WDFY3: variants seen among roughly 807,000 people sequenced by gnomAD.
WDFY3 encodes WD repeat and FYVE domain containing 3.
WDFY3 carries 66 observed loss-of-function variants against 409.6 expected under a neutral mutation model. The ratio of observed to expected loss-of-function variants is 0.16; its 90% CI spans 0.13 to 0.20. The LOEUF (loss-of-function observed/expected upper bound fraction) is 0.20, where lower values mean the gene tolerates loss of function less well. Ranked by LOEUF, WDFY3 falls within the 10% of genes least tolerant of loss-of-function variation. The probability of loss-of-function intolerance (pLI) is 1.00; values close to 1 mark genes in which losing one functional copy is unlikely to be tolerated. For synonymous variants in WDFY3, 1,521 were observed against 1,537.1 expected, an observed-to-expected ratio of 0.99 and a Z score of 0.25; for missense variants, 3,031 against 4,298.1, an observed-to-expected ratio of 0.71 and a Z score of 8.24.
intron 3 of WDFY3, among the ~76,000 whole-genome samples, chr4:84,894,002 A>T (rs1765285860): frequency 1.3e-5 from 2 of 152,118 alleles, no homozygotes; most frequent in Non-Finnish European, 2.9e-5. Context: ...AAAAAAAAAA[A>T]TTAGAAAAAG....
chr4:84,917,274 T>C (rs747618107), intron 2 of WDFY3, among the ~76,000 whole-genome samples: 2 of 152,156 alleles, frequency 1.3e-5, no homozygotes, highest in East Asian at 1.9e-4. Flanking sequence ...GCCAAGACCA[T>C]TGAAAAGAAG....
chr4:84,828,379 C>A (rs1002737217), intron 9 of WDFY3, among the ~76,000 whole-genome samples: 1 of 151,878 alleles, frequency 6.6e-6, no homozygotes, highest in Admixed American at 6.6e-5. Context: ...TTATTAAGTA[C>A]ATTAATAAAA....
chr4:84,732,531 T>C (rs1428569807), intron 44 of WDFY3, among the ~76,000 whole-genome samples: 1 of 152,132 alleles, frequency 6.6e-6, no homozygotes, highest in Non-Finnish European at 1.5e-5. Flanking sequence ...CATCTCCCTA[T>C]TCCCCTCACT....
At chr4:84,828,956 A>G in intron 9 of WDFY3, 48 bp downstream of exon 9, 10 of 1,475,368 alleles carry the variant, frequency 6.8e-6, no homozygotes, top group Non-Finnish European at 8.1e-6. Context: ...TTTGATAAAA[A>G]AGACTGAGTA....
At chr4:84,809,168 G>T (rs994188673) in intron 14 of WDFY3, 3 of 152,180 alleles carry the variant, frequency 2.0e-5, no homozygotes, top group African/African-American at 7.2e-5. Context: ...GAAAATAAGT[G>T]ATCTAGATGA....
Position 84,743,727 on chromosome 4 carries a change from G to A in WDFY3, c.6046C>T (p.His2016Tyr). 6.3e-7 allele frequency: 1 copy of A among 1,579,270 alleles called. No individual in the cohort carries two copies. Among genetic ancestry groups the A allele is most frequent in the Non-Finnish European group, 8.6e-7 (1 of 1,159,064 alleles). ...AATAACACATCAGCTGCAAGCAAATGGTCCATCACGCTATCCAAAATGTAA... is the reference window on the plus strand; with the variant it reads ...AATAACACATCAGCTGCAAGCAAATAGTCCATCACGCTATCCAAAATGTAA... ...QTYILDSVMD[H>Y]LLAADVLLGE... The change falls in exon 37 of 68, where the codon CAT (histidine) becomes TAT (tyrosine). Residue 2016 changes from histidine (H) to tyrosine (Y), a missense_variant. Around this residue, in one of 16 missense-constraint regions of WDFY3, gnomAD observed 314 missense variants for 397.4 expected, o/e 0.79. Coordinates refer to ENST00000295888, the MANE Select transcript of WDFY3 (RefSeq NM_014991.6).
At chr4:84,749,746 A>G (rs1156548289) in intron 36 of WDFY3, among the ~76,000 whole-genome samples, 3 of 152,180 alleles carry the variant, frequency 2.0e-5, no homozygotes, top group African/African-American at 7.2e-5. Context: ...GTTGTTCTCT[A>G]AGCAGTTTAT....
intron 52 of WDFY3, 130 bp downstream of exon 52, chr4:84,709,163 T>C: frequency 7.0e-7 from 1 of 1,424,136 alleles, no homozygotes; most frequent in South Asian, 1.4e-5. Context: ...TACTTTTTTT[T>C]CTAAAAAGAA....
intron 2 of WDFY3, among the ~76,000 whole-genome samples, chr4:84,902,591 T>G (rs1451198706): frequency 6.6e-6 from 1 of 152,186 alleles, no homozygotes; most frequent in Non-Finnish European, 1.5e-5. Flanking sequence ...AAGAAACTTT[T>G]TAGAAGGGCA....
At chr4:84,739,766 T>C (rs1370507539) in intron 39 of WDFY3, among the ~76,000 whole-genome samples, 1 of 152,168 alleles carries the variant, frequency 6.6e-6, no homozygotes, top group Non-Finnish European at 1.5e-5. Context: ...TCACATTTTG[T>C]CCCAGCCCCT....
chr4:84,763,756 A>G (rs1416351588), intron 32 of WDFY3, among the ~76,000 whole-genome samples: 2 of 152,174 alleles, frequency 1.3e-5, no homozygotes, highest in Non-Finnish European at 2.9e-5. Flanking sequence ...TTGAAATTAA[A>G]TTTAAATTGA....
chr4:84,746,605 C>T (rs1739487072), intron 36 of WDFY3, among the ~76,000 whole-genome samples: 1 of 152,058 alleles, frequency 6.6e-6, no homozygotes, highest in Non-Finnish European at 1.5e-5. Context: ...AGAATTTACA[C>T]TTGTTACTGG....
chr4:84,801,628 T>C, intron 17 of WDFY3, 22 bp downstream of exon 17: 1 of 1,588,174 alleles, frequency 6.3e-7, no homozygotes, highest in Non-Finnish European at 8.6e-7. Context: ...TGTGGACTAT[T>C]TGAGTATGAA....
intron 13 of WDFY3, among the ~76,000 whole-genome samples, chr4:84,815,709 A>T (rs1341650075): frequency 6.6e-6 from 1 of 152,136 alleles, no homozygotes; most frequent in East Asian, 1.9e-4. Context: ...AAATGAGCTG[A>T]ATTTTTCTCA....
intron 6 of WDFY3, among the ~76,000 whole-genome samples, chr4:84,839,284 A>G (rs2150011196): frequency 6.6e-6 from 1 of 152,266 alleles, no homozygotes; most frequent in African/African-American, 2.4e-5. Context: ...GCAAATAAAC[A>G]TATGCTATTC....
In WDFY3 at chr4:84,801,931, C is replaced by T. The variant is rs925326609; in HGVS notation, c.2608-67G>A. On this transcript the variant is annotated intron_variant, in intron 16 of 67. Transcript: ENST00000295888. ...GTGAGAAAGATGACAATTCTTTTCA[C>T]ATGAAGCATACCTTTTTAATTTTTT... 11 of 1,456,786 alleles carry T rather than the reference C, an allele frequency of 7.6e-6. No individual in the cohort carries two copies. In the African/African-American group the frequency reaches 1.4e-4, roughly 19 times the overall value. The allele number at this position is 1,456,786 out of a possible 1,614,324, so 90.2% of individuals were successfully genotyped here.
intron 3 of WDFY3, among the ~76,000 whole-genome samples, chr4:84,867,835 C>T (rs1761609362): frequency 6.6e-6 from 1 of 152,042 alleles, no homozygotes; most frequent in Admixed American, 6.6e-5. Context: ...GTAATGTAAG[C>T]TCATATGGCT....
intron 66 of WDFY3, 50 bp from the exon 67 acceptor site, chr4:84,677,446 C>T: frequency 2.0e-6 from 3 of 1,492,438 alleles, no homozygotes; most frequent in Non-Finnish European, 2.7e-6. Context: ...CTTCTGTGAT[C>T]TCCTTCTTGA....
intron 36 of WDFY3, 38 bp from the exon 37 acceptor site, chr4:84,743,837 T>A: frequency 6.9e-7 from 1 of 1,453,020 alleles, no homozygotes; most frequent in African/African-American, 1.4e-5. Flanking sequence ...CAGAACCAAC[T>A]AAAACAAAAA....
Sources: gnomAD v4.1 joint callset for allele counts (sites outside exome capture counted in the v4.1 genomes callset) on GRCh38, gnomAD v4.1.1 for gene constraint, gnomAD v4.1.1 regional missense constraint, MANE v1.5 for transcripts, NCBI Gene and HGNC (gene_info 2026-07-23, HGNC 2026-07-21) for gene names.